LCOR: variants seen among roughly 807,000 people sequenced by gnomAD.
LCOR encodes ligand-dependent corepressor.
Under a neutral mutation model 64.4 loss-of-function variants are expected in LCOR, and 14 were observed. The ratio of observed to expected loss-of-function variants is 0.22; its 90% CI spans 0.14 to 0.34. The LOEUF (loss-of-function observed/expected upper bound fraction) is 0.34. LCOR is among the 10% of genes least tolerant of loss of function. LCOR has a pLI of 1.00. For missense variants in LCOR, 1,686 were observed against 1,765.3 expected, an observed-to-expected ratio of 0.96 and a Z score of 0.80; for synonymous variants, 643 against 642.5, an observed-to-expected ratio of 1.00 and a Z score of -0.01.
rs1845381745 is a variant in LCOR at position 96,833,367 on chromosome 10, C to T, written c.-403-39C>T. ...GAGGGGCCGGGCGGCCGAGCTGCGC[C>T]TCTCACACTGTGTGTTTTGTCTGTT... On this transcript the variant is annotated intron_variant, in intron 1 of 7. Transcript: ENST00000421806. 5.1e-6 allele frequency: 5 copies of T among 982,394 alleles called. No homozygotes were observed. In the African/African-American group the frequency reaches 5.2e-5, roughly 10 times the overall value. 60.9% of individuals were successfully genotyped at this position (982,394 alleles called of 1,614,324 possible).
chr10:96,848,245 A>G (rs1845665822), intron 2 of LCOR, among the ~76,000 whole-genome samples: 1 of 152,254 alleles, frequency 6.6e-6, no homozygotes, highest in Non-Finnish European at 1.5e-5. Flanking sequence ...CTCTTGTTAT[A>G]TCATGCTGCT....
intron 4 of LCOR, among the ~76,000 whole-genome samples, chr10:96,942,480 G>A (rs1847510354): frequency 6.6e-6 from 1 of 152,098 alleles, no homozygotes; most frequent in African/African-American, 2.4e-5. Context: ...AGAGGGAGCG[G>A]TCATGATTTA....
chr10:96,842,081 C>T (rs1480955737), intron 2 of LCOR, among the ~76,000 whole-genome samples: 1 of 151,916 alleles, frequency 6.6e-6, no homozygotes, highest in African/African-American at 2.4e-5. Flanking sequence ...CATGCTTTAC[C>T]TTTCCTAAAC....
intron 2 of LCOR, among the ~76,000 whole-genome samples, chr10:96,863,396 G>A (rs1276726213): frequency 1.3e-5 from 2 of 151,260 alleles, no homozygotes; most frequent in Admixed American, 6.6e-5. Flanking sequence ...TAGAGACGGG[G>A]TTTCACCATG....
chr10:96,834,277 C>G (rs1039229281), intron 2 of LCOR, among the ~76,000 whole-genome samples: 1 of 152,148 alleles, frequency 6.6e-6, no homozygotes, highest in Admixed American at 6.5e-5. Context: ...CAAACATATG[C>G]TTGTGCAAAT....
intron 2 of LCOR, among the ~76,000 whole-genome samples, chr10:96,897,983 A>T (rs577137521): frequency 4.0e-5 from 6 of 151,394 alleles, no homozygotes; most frequent in Non-Finnish European, 7.4e-5. Context: ...AAAATCTCCA[A>T]CCTCTCAGTT....
intron 2 of LCOR, among the ~76,000 whole-genome samples, chr10:96,891,523 C>T (rs1191068670): frequency 1.1e-3 from 13 of 11,754 alleles, no homozygotes; most frequent in East Asian, 6.9e-3. Context: ...CTTACTCTGT[C>T]TTGACTCTTT....
At chr10:96,976,091 A>G (rs1265035995) in intron 7 of LCOR, among the ~76,000 whole-genome samples, 2 of 152,198 alleles carry the variant, frequency 1.3e-5, no homozygotes, top group Non-Finnish European at 2.9e-5. Flanking sequence ...CAGGTGGGGT[A>G]GTTTTGAGCT....
chr10:96,899,167 C>T (rs1383070875), intron 2 of LCOR, among the ~76,000 whole-genome samples: 2 of 151,928 alleles, frequency 1.3e-5, no homozygotes, highest in Admixed American at 6.6e-5. Flanking sequence ...ATTTGGTGGG[C>T]ATTTTTAGGT....
At chr10:96,908,748 C>G (rs1266871161) in intron 4 of LCOR, among the ~76,000 whole-genome samples, 2 of 150,332 alleles carry the variant, frequency 1.3e-5, no homozygotes, top group Non-Finnish European at 3.0e-5. Context: ...TGGAGTCTCA[C>G]TCTGTCATCC....
At chr10:96,837,237 G>T (rs775571229) in intron 2 of LCOR, among the ~76,000 whole-genome samples, 2 of 151,840 alleles carry the variant, frequency 1.3e-5, no homozygotes, top group Non-Finnish European at 2.9e-5. Flanking sequence ...TGATCTGCCC[G>T]CCTTGGCCTC....
intron 2 of LCOR, among the ~76,000 whole-genome samples, chr10:96,902,684 G>A (rs1157240564): frequency 6.6e-6 from 1 of 152,166 alleles, no homozygotes; most frequent in East Asian, 1.9e-4. Context: ...GGCTCAGTGT[G>A]GTGGTGGCAT....
chr10:96,895,498 C>G (rs1015591534), intron 2 of LCOR, among the ~76,000 whole-genome samples: 2 of 152,198 alleles, frequency 1.3e-5, no homozygotes, highest in African/African-American at 4.8e-5. Flanking sequence ...TCTACAGCTA[C>G]CTGGTAATCT....
At chr10:96,891,582 G>A (rs1167003690) in intron 2 of LCOR, among the ~76,000 whole-genome samples, 5 of 106,162 alleles carry the variant, frequency 4.7e-5, no homozygotes, top group Admixed American at 1.6e-4. Context: ...GGTCTCTGTC[G>A]CCCACACTGG....
At position 96,984,117 on chromosome 10, in the gene LCOR, A is replaced by G; in HGVS notation, c.3657A>G (p.Lys1219=). ...CCCCTGTCAAGCATCCTCTTCAGAA[A>G]TACGCTCCTTCCAGCCTATATCCCA... ...DVPPVKHPLQ[K]YAPSSLYPSS... The change falls in exon 8 of 8, where the codon AAA becomes AAG. Residue 1219 remains lysine, a synonymous_variant. Coordinates refer to ENST00000421806, the MANE Select transcript of LCOR (RefSeq NM_001346516.2). 6.2e-7 allele frequency: 1 copy of G among 1,614,188 alleles called. No homozygotes were observed. Among genetic ancestry groups the G allele is most frequent in the Non-Finnish European group, 8.5e-7 (1 of 1,180,030 alleles).
chr10:96,981,421 A>C lies in LCOR; in HGVS notation c.961A>C (p.Ile321Leu). The C allele has an allele frequency of 6.2e-7, 1 of 1,614,222 alleles. No individual in the cohort carries two copies. Among genetic ancestry groups the C allele is most frequent in the Non-Finnish European group, 8.5e-7 (1 of 1,180,038 alleles). Residue 321 changes from isoleucine (I) to leucine (L), a missense_variant, in exon 8 of 8, where the codon ATT becomes CTT. Ile to Leu is a conservative substitution (Grantham distance 5). Transcript: ENST00000421806. ...MQSSALVESL[I>L]TVKMAAENSE... ...GAGTTCAGCTTTAGTAGAAAGTCTAATTACAGTAAAAATGGCAGCTGAGAA... is the reference window on the plus strand; with the variant it reads ...GAGTTCAGCTTTAGTAGAAAGTCTACTTACAGTAAAAATGGCAGCTGAGAA...
intron 2 of LCOR, among the ~76,000 whole-genome samples, chr10:96,862,882 T>C (rs1325078086): frequency 6.6e-6 from 1 of 151,660 alleles, no homozygotes; most frequent in Non-Finnish European, 1.5e-5. Flanking sequence ...TCTTTTCTTT[T>C]CTTTTTTTTT....
chr10:96,852,574 A>T (rs1320945224), intron 2 of LCOR, among the ~76,000 whole-genome samples: 2 of 152,218 alleles, frequency 1.3e-5, no homozygotes, highest in Non-Finnish European at 2.9e-5. Context: ...CAAAATCCTA[A>T]ACCTGAAACA....
At position 96,984,361 on chromosome 10, in the gene LCOR, C is replaced by A. The variant is rs772372887; in HGVS notation, c.3901C>A (p.Leu1301Met). The change falls in exon 8 of 8, where the codon CTG becomes ATG. Residue 1301 changes from leucine (L) to methionine (M), a missense_variant. Around this residue, in one of 3 missense-constraint regions of LCOR, gnomAD observed 1,293 missense variants for 1,410.4 expected, o/e 0.92. Coordinates refer to ENST00000421806, the MANE Select transcript of LCOR (RefSeq NM_001346516.2). ...EDRNSHPPAN[L>M]PTPASTRILR... ...TAGAAACAGTCATCCTCCAGCAAAC[C>A]TGCCCACTCCAGCCAGTACCCGGAT... is the stretch of plus-strand genomic sequence containing the variant. 3 of 1,613,996 alleles carry A rather than the reference C, an allele frequency of 1.9e-6. No individual in the cohort carries two copies. The highest frequency in any genetic ancestry group is 4.5e-5 in the East Asian group (2 of 44,898).
Sources: gnomAD v4.1 joint callset for allele counts (sites outside exome capture counted in the v4.1 genomes callset) on GRCh38, gnomAD v4.1.1 for gene constraint, gnomAD v4.1.1 regional missense constraint, MANE v1.5 for transcripts, NCBI Gene and HGNC (gene_info 2026-07-23, HGNC 2026-07-21) for gene names.